The following RNF115 variants were observed in gnomAD, a reference collection of about 807,000 sequenced individuals.
The protein encoded by RNF115 is ring finger protein 115, also known as E3 ubiquitin-protein ligase RNF115.
RNF115 carries 31 observed loss-of-function variants against 39.2 expected under a neutral mutation model. The observed-to-expected ratio is 0.79, with a 90% CI of 0.59 to 1.07. RNF115 has a LOEUF of 1.07. Ranked by LOEUF, RNF115 falls within the 50% of genes least tolerant of loss-of-function variation. The pLI is 0.00. For synonymous variants in RNF115, 124 were observed against 131.0 expected, an observed-to-expected ratio of 0.95 and a Z score of 0.37; for missense variants, 384 against 381.7, an observed-to-expected ratio of 1.01 and a Z score of -0.05.
chr1:145,789,070 G>A (rs1298277149), intron 1 of RNF115, 104 bp from the exon 2 acceptor site: 4 of 716,080 alleles, frequency 5.6e-6, no homozygotes, highest in African/African-American at 1.8e-5. Flanking sequence ...GCTCTGAAAT[G>A]TTCTATGTAC....
chr1:145,798,864 T>C (rs1383235041), intron 1 of RNF115, among the ~76,000 whole-genome samples: 1 of 152,150 alleles, frequency 6.6e-6, no homozygotes, highest in Admixed American at 6.5e-5. Flanking sequence ...GTTTTTAATA[T>C]TCAAATTTTT....
chr1:145,760,073 C>T (rs782805989), intron 4 of RNF115, among the ~76,000 whole-genome samples: 12 of 152,148 alleles, frequency 7.9e-5, no homozygotes, highest in Non-Finnish European at 1.2e-4. Context: ...TCATTCTTGA[C>T]TATTTATTGA....
At chr1:145,752,886 C>T (rs1278866771) in intron 5 of RNF115, 92 bp downstream of exon 5, 1 of 901,816 alleles carries the variant, frequency 1.1e-6, no homozygotes, top group East Asian at 2.5e-5. Flanking sequence ...CGCACCCGGC[C>T]TATGCAGCTC....
chr1:145,801,795 T>G (rs1463830536), intron 1 of RNF115, among the ~76,000 whole-genome samples: 10 of 152,152 alleles, frequency 6.6e-5, no homozygotes, highest in Non-Finnish European at 1.0e-4. Context: ...TTCTCTCTTT[T>G]TTTTTAAACT....
intron 7 of RNF115, among the ~76,000 whole-genome samples, chr1:145,748,620 A>G (rs1480522793): frequency 2.0e-5 from 3 of 152,072 alleles, no homozygotes; most frequent in Non-Finnish European, 4.4e-5. Flanking sequence ...TGGCTGTCCT[A>G]AAGTCCTCTG....
At chr1:145,807,425 T>C (rs1553721767) in intron 1 of RNF115, among the ~76,000 whole-genome samples, 1 of 152,210 alleles carries the variant, frequency 6.6e-6, no homozygotes, top group Non-Finnish European at 1.5e-5. Flanking sequence ...AACTTCTCCC[T>C]ATCCATTCAA....
In RNF115 at chr1:145,764,757, G is replaced by T. The variant is rs587599997; in HGVS notation, c.428+6954C>A. ...AGCTGCCCCATCCAGGAGGGAGGTG[G>T]GGGCCAGCCCCCGCCCAGCCAGCCG... is the stretch of plus-strand genomic sequence containing the variant. On this transcript the variant is annotated intron_variant, in intron 4 of 8. Coordinates refer to ENST00000582693, the MANE Select transcript of RNF115 (RefSeq NM_014455.4). 3.3e-4 allele frequency among the ~76,000 whole-genome samples: 49 copies of T among 149,802 alleles called. No homozygotes were observed. In the East Asian group the frequency reaches 9.4e-3, roughly 29 times the overall value.
chr1:145,787,081 A>T, intron 2 of RNF115: 2 of 1,236,032 alleles, frequency 1.6e-6, no homozygotes, highest in Non-Finnish European at 1.1e-6. Flanking sequence ...CAGTAACAGT[A>T]AAGGAATTAC....
chr1:145,794,464 CCTAA>C (rs1413653683), intron 1 of RNF115, among the ~76,000 whole-genome samples: 2 of 150,918 alleles, frequency 1.3e-5, no homozygotes, highest in Non-Finnish European at 2.9e-5. Flanking sequence ...ACACTATTTC[CCTAA>C]CTTTCTGCAT....
chr1:145,804,391 G>T (rs1266229472), intron 1 of RNF115, among the ~76,000 whole-genome samples: 1 of 152,146 alleles, frequency 6.6e-6, no homozygotes, highest in Non-Finnish European at 1.5e-5. Flanking sequence ...CAGCCTAAGT[G>T]GTTAGAGTAA....
intron 4 of RNF115, among the ~76,000 whole-genome samples, chr1:145,761,801 G>C (rs1553713887): frequency 6.6e-6 from 1 of 152,210 alleles, no homozygotes. Context: ...TAGATCCACT[G>C]ACAGCTTGCA....
intron 2 of RNF115, among the ~76,000 whole-genome samples, chr1:145,786,443 C>T (rs137890304): frequency 0.015 from 2,217 of 152,258 alleles, 64 homozygotes; most frequent in African/African-American, 0.051. Flanking sequence ...TCATTTAAAA[C>T]ACTAATCTCT....
intron 1 of RNF115, among the ~76,000 whole-genome samples, chr1:145,796,488 A>G (rs587711668): frequency 6.6e-6 from 1 of 150,800 alleles, no homozygotes; most frequent in South Asian, 2.1e-4. Flanking sequence ...GCGCAGTGGC[A>G]TGATCTCAAC....
chr1:145,795,108 G>A (rs1277675960), intron 1 of RNF115, among the ~76,000 whole-genome samples: 3 of 151,392 alleles, frequency 2.0e-5, no homozygotes, highest in Non-Finnish European at 4.4e-5. Flanking sequence ...TGGTTGGTTC[G>A]TGGTCTCGCT....
chr1:145,788,781 C>G (rs1553718496), intron 2 of RNF115, 127 bp downstream of exon 2: 1 of 757,460 alleles, frequency 1.3e-6, no homozygotes, highest in African/African-American at 1.7e-5. Flanking sequence ...CACTCACTCT[C>G]TCTCTCTCAC....
rs201108619 is a variant in RNF115 at position 145,750,474 on chromosome 1, G to A, written c.600C>T (p.Gly200=). The change falls in exon 7 of 9, where the codon GGC becomes GGT. Residue 200 remains glycine (G), a synonymous_variant. Transcript: ENST00000582693. ...TCTTTTCCTTGTCAGCTGGGGGAGG[G>A]CCTGTGTTTTCCAGTTGTCCTAAAA... ...TQLLGQLENT[G]PPPADKEKIT... 10 of 1,613,924 alleles carry A rather than the reference G, an allele frequency of 6.2e-6. No homozygotes were observed. In the Admixed American group the frequency reaches 1.0e-4, roughly 16 times the overall value.
At chr1:145,790,607 T>G (rs1648619201) in intron 1 of RNF115, among the ~76,000 whole-genome samples, 1 of 151,700 alleles carries the variant, frequency 6.6e-6, no homozygotes, top group South Asian at 2.1e-4. Flanking sequence ...TAATTTTGTA[T>G]TTTTAGTAGA....
intron 4 of RNF115, among the ~76,000 whole-genome samples, chr1:145,767,845 C>T (rs1384104778): frequency 6.6e-6 from 1 of 152,232 alleles, no homozygotes; most frequent in Non-Finnish European, 1.5e-5. Flanking sequence ...TGGCGGCGCG[C>T]GCCCGCAATC....
At chr1:145,816,799 G>T (rs1162115445) in intron 1 of RNF115, among the ~76,000 whole-genome samples, 1 of 138,972 alleles carries the variant, frequency 7.2e-6, no homozygotes, top group Non-Finnish European at 1.6e-5. Flanking sequence ...TCCAGACTGG[G>T]TCTCTGTTGC....
Sources: allele counts gnomAD v4.1 joint callset (sites outside exome capture counted in the v4.1 genomes callset), GRCh38; gene constraint gnomAD v4.1.1; transcripts MANE v1.5; gene names NCBI Gene and HGNC (gene_info 2026-07-23, HGNC 2026-07-21).